TRAPPC2L: variants seen among roughly 807,000 people sequenced by gnomAD.
TRAPPC2L encodes trafficking protein particle complex subunit 2-like protein.
Under a neutral mutation model 13.2 loss-of-function variants are expected in TRAPPC2L, and 17 were observed. The ratio of observed to expected loss-of-function variants is 1.29; its 90% CI spans 0.88 to 1.93. TRAPPC2L has a LOEUF of 1.93. Among genes scored for constraint, TRAPPC2L ranks in the 30% most tolerant of loss-of-function variants. The pLI is 0.00. For synonymous variants in TRAPPC2L, 150 were observed against 98.1 expected (o/e 1.53, Z -3.12); for missense variants, 359 against 252.1 (o/e 1.42, Z -2.87).
At chr16:88,856,718 CCCCACCCCGGCCCTGCCCCGT>C (rs1967928896), upstream of TRAPPC2L, 2 of 839,862 alleles carry the variant, frequency 2.4e-6, no homozygotes, top group African/African-American at 3.5e-5. Flanking sequence ...CCCCTCCCCG[CCCCACCCCGGCCCTGCCCCGT>C]CCCACCGCCC....
upstream of TRAPPC2L, chr16:88,856,416 G>T (rs1325882564): frequency 1.4e-6 from 1 of 701,214 alleles, no homozygotes; most frequent in East Asian, 2.7e-5. Flanking sequence ...GGTCAGACGG[G>T]GGAGGCAGGG....
exon 4 of TRAPPC2L, chr16:88,861,783 C>G: frequency 2.4e-6 from 1 of 417,634 alleles, no homozygotes; most frequent in South Asian, 1.7e-5. Context: ...TGGAGAGTTT[C>G]TCAAGGACCT....
chr16:88,856,896 G>A, upstream of TRAPPC2L: 8 of 1,502,384 alleles, frequency 5.3e-6, no homozygotes, highest in South Asian at 2.5e-5. Flanking sequence ...CGGGAGCCGC[G>A]GAGCCCCGGC....
chr16:88,861,877 G>A (rs1968415068), exon 4 of TRAPPC2L: 2 of 302,914 alleles, frequency 6.6e-6, no homozygotes, highest in East Asian at 2.1e-4. Flanking sequence ...GAACTTTCTT[G>A]ATACATATTT....
chr16:88,858,582 G>A (rs768451799), intron 1 of TRAPPC2L, 37 bp from the exon 2 acceptor site: 1 of 1,603,936 alleles, frequency 6.2e-7, no homozygotes, highest in Non-Finnish European at 8.5e-7. Context: ...GCTGGGTGGA[G>A]TCTTGTCCTT....
exon 4 of TRAPPC2L, chr16:88,860,824 CTG>C: frequency 7.1e-7 from 1 of 1,413,954 alleles, no homozygotes; most frequent in South Asian, 1.2e-5. Flanking sequence ...CCCGAGCATC[CTG>C]TGGATGGAGC....
upstream of TRAPPC2L, chr16:88,856,221 C>A (rs748606482): frequency 6.1e-5 from 43 of 702,924 alleles, no homozygotes; most frequent in Non-Finnish European, 8.8e-5. Flanking sequence ...GCTCAGCATT[C>A]TCCAGAGGAC....
intron 1 of TRAPPC2L, among the ~76,000 whole-genome samples, chr16:88,858,109 G>C (rs770236966): frequency 5.3e-5 from 8 of 152,276 alleles, no homozygotes; most frequent in Non-Finnish European, 8.8e-5. Context: ...AAATGGTGGT[G>C]TGTGAAAGAC....
upstream of TRAPPC2L, chr16:88,856,357 G>C (rs374436530): frequency 1.8e-4 from 129 of 701,988 alleles, no homozygotes; most frequent in East Asian, 3.2e-3. Context: ...CCTCCCTTTG[G>C]GGAGGCCACG....
chr16:88,857,133 G>T (rs1435008398), exon 1 of TRAPPC2L: 2 of 1,565,004 alleles, frequency 1.3e-6, no homozygotes. Context: ...CGCGGTGCCT[G>T]GCGCCGAGCC....
chr16:88,859,686 A>G (rs1968236411), exon 3 of TRAPPC2L: 2 of 1,613,998 alleles, frequency 1.2e-6, no homozygotes, highest in East Asian at 4.5e-5. Flanking sequence ...ACCAACTCCA[A>G]GGTGAAGTTT....
At chr16:88,857,270 A>T (rs757502454) in intron 1 of TRAPPC2L, 87 bp downstream of exon 1, 13 of 1,273,096 alleles carry the variant, frequency 1.0e-5, no homozygotes, top group Non-Finnish European at 1.3e-5. Context: ...CTTAGAAGGC[A>T]CCTTAGGAAA....
chr16:88,860,439 G>A (rs1968306660), exon 4 of TRAPPC2L: 1 of 606,000 alleles, frequency 1.7e-6, no homozygotes, highest in African/African-American at 1.9e-5. Context: ...TGGGGTCCAT[G>A]CCCACATTCC....
At chr16:88,859,834 A>G (rs565260912) in intron 3 of TRAPPC2L, 59 bp from the exon 4 acceptor site, 3 of 1,583,924 alleles carry the variant, frequency 1.9e-6, no homozygotes, top group African/African-American at 1.4e-5. Flanking sequence ...TGAGAAACTA[A>G]AAATCTGGCA....
rs759476883 is a variant in TRAPPC2L, at chr16:88,857,178, A to T, written c.28A>T (p.Lys10Ter). The change falls in exon 1 of 4, where the codon AAG becomes TAG. Residue 10 changes from lysine (K) to a stop codon, truncating the protein, a stop_gained. Coordinates refer to ENST00000565504, the Ensembl canonical transcript of TRAPPC2L. LOFTEE classifies it high-confidence loss of function. Reference sequence around the variant, plus strand: ...GGCGGTGTGCATCGCGGTGATTGCCAAGGAGGTGCGTACGCGCGGCGTGGG... The same window carrying T: ...GGCGGTGTGCATCGCGGTGATTGCCTAGGAGGTGCGTACGCGCGGCGTGGG... The T allele has an allele frequency of 3.2e-6, 5 of 1,577,964 alleles. No individual in the cohort carries two copies. The highest frequency in any genetic ancestry group is 1.1e-5 in the South Asian group (1 of 87,722).
upstream of TRAPPC2L, chr16:88,857,007 G>T: frequency 1.4e-6 from 2 of 1,388,996 alleles, no homozygotes; most frequent in African/African-American, 3.0e-5. Context: ...AGAGTCCGCG[G>T]AGGGACGGGA....
rs892334496 is a variant in TRAPPC2L at position 88,859,336 on chromosome 16, G to A, written c.207-327G>A. 20 of 672,250 alleles carry A rather than the reference G, an allele frequency of 3.0e-5. No individual in the cohort carries two copies. The African/African-American group carries it at 3.0e-4, about 10-fold the overall frequency. 41.6% of individuals were successfully genotyped at this position (672,250 alleles called of 1,614,324 possible). A position where few individuals can be genotyped will look rare whatever the true frequency, so the allele number is the denominator to read the frequency against. On this transcript the variant is annotated intron_variant, in intron 2 of 3. Coordinates refer to ENST00000565504, the Ensembl canonical transcript of TRAPPC2L. The stretch of plus-strand genomic sequence containing the variant: ...ATCCGCCTTGTTCACGAAGCCTCTG[G>A]TTTTGCAGTTAACTTTCCGGGCCAG...
exon 4 of TRAPPC2L, chr16:88,860,222 T>C (rs890650350): frequency 1.4e-6 from 1 of 703,894 alleles, no homozygotes; most frequent in Non-Finnish European, 2.6e-6. Flanking sequence ...CCCATTTGGC[T>C]TCCCAGGTGT....
chr16:88,857,094 G>A (rs1967965990), upstream of TRAPPC2L: 4 of 1,546,544 alleles, frequency 2.6e-6, no homozygotes, highest in Non-Finnish European at 3.5e-6. Context: ...GGGCTTTGGA[G>A]GCCGCGTGAC....
Sources: allele counts gnomAD v4.1 joint callset (sites outside exome capture counted in the v4.1 genomes callset), GRCh38; gene constraint gnomAD v4.1.1; transcripts MANE v1.5; gene names NCBI Gene and HGNC (gene_info 2026-07-23, HGNC 2026-07-21).